INSYN2B: variants seen among roughly 807,000 people sequenced by gnomAD.
INSYN2B encodes the protein inhibitory synaptic factor family member 2B, also known as protein INSYN2B.
A neutral mutation model predicts 41.2 loss-of-function variants in INSYN2B; 16 were observed. The ratio of observed to expected loss-of-function variants is 0.39; its 90% CI spans 0.26 to 0.59. INSYN2B has a LOEUF of 0.59. INSYN2B is among the 20% of genes least tolerant of loss of function. The pLI is 0.57. For synonymous variants in INSYN2B, 245 were observed against 244.4 expected (o/e 1.00, Z -0.02); for missense variants, 608 against 646.4 (o/e 0.94, Z 0.64).
In INSYN2B at chr5:169,916,973, C is replaced by T. The variant is rs139945356; in HGVS notation, c.-918-32157G>A. ...CAAATAGCCATCGTCATTACTCTTC[C>T]AAATCCAGGACTGAATTCGTTCATT... On this transcript the variant is annotated intron_variant, in intron 1 of 3. Transcript: ENST00000377365. Among the ~76,000 whole-genome samples the T allele has an allele frequency of 2.4e-3, 369 of 152,236 alleles. 1 individual carries two copies. The highest frequency in any genetic ancestry group is 8.4e-3 in the African/African-American group (351 of 41,544).
At chr5:169,914,598 T>C (rs902739924) in intron 1 of INSYN2B, among the ~76,000 whole-genome samples, 1 of 152,210 alleles carries the variant, frequency 6.6e-6, no homozygotes, top group African/African-American at 2.4e-5. Flanking sequence ...TCTTAAAAAT[T>C]GAATTCATTG....
chr5:169,895,575 G>T (rs530486130), intron 1 of INSYN2B, among the ~76,000 whole-genome samples: 1 of 151,750 alleles, frequency 6.6e-6, no homozygotes, highest in East Asian at 1.9e-4. Flanking sequence ...AGCTCCTTCG[G>T]TGCCCCATGC....
chr5:169,943,623 C>T (rs547302557), intron 1 of INSYN2B, among the ~76,000 whole-genome samples: 47 of 152,294 alleles, frequency 3.1e-4, no homozygotes, highest in African/African-American at 1.1e-3. Flanking sequence ...ATTAATTTAT[C>T]TGCCTGGCCT....
At chr5:169,949,226 T>C (rs949921217) in intron 1 of INSYN2B, among the ~76,000 whole-genome samples, 7 of 152,230 alleles carry the variant, frequency 4.6e-5, no homozygotes, top group African/African-American at 1.7e-4. Flanking sequence ...GCACGACTAC[T>C]ATGTGCAGAA....
In INSYN2B at chr5:169,882,533, TGA is replaced by T; in HGVS notation, c.1346+18_1346+19del. On this transcript the variant is annotated intron_variant, in intron 2 of 3. Transcript: ENST00000377365. Reference sequence around the variant, plus strand: ...TGACTTCACCCAGTCATTTTTAATATGAAAAAAAAATCTCCTTACCCTTCAGT... The same window carrying T: ...TGACTTCACCCAGTCATTTTTAATATAAAAAAAATCTCCTTACCCTTCAGT... 6.6e-7 allele frequency: 1 copy of T among 1,516,736 alleles called. No individual in the cohort carries two copies. Among genetic ancestry groups the T allele is most frequent in the Non-Finnish European group, 8.9e-7 (1 of 1,126,324 alleles). The allele number at this position is 1,516,736 out of a possible 1,614,324, so 94.0% of individuals were successfully genotyped here. A position where few individuals can be genotyped will look rare whatever the true frequency, so the allele number is the denominator to read the frequency against.
At chr5:169,973,589 G>C (rs762429016) in intron 1 of INSYN2B, among the ~76,000 whole-genome samples, 1 of 152,128 alleles carries the variant, frequency 6.6e-6, no homozygotes, top group African/African-American at 2.4e-5. Context: ...AGGAGAGCTG[G>C]CATTGATCCC....
intron 1 of INSYN2B, among the ~76,000 whole-genome samples, chr5:169,907,231 T>C (rs1028294226): frequency 6.6e-6 from 1 of 152,188 alleles, no homozygotes; most frequent in Non-Finnish European, 1.5e-5. Context: ...TTGCATTTGG[T>C]TTGCGTCATT....
chr5:169,953,063 C>T (rs999165833), intron 1 of INSYN2B, among the ~76,000 whole-genome samples: 1 of 152,152 alleles, frequency 6.6e-6, no homozygotes, highest in South Asian at 2.1e-4. Context: ...GTGGCTCATA[C>T]CTGTAATCCC....
At position 169,864,394 on chromosome 5, in the gene INSYN2B, G is replaced by A. The variant is rs1238017916; in HGVS notation, c.1487C>T (p.Ala496Val). ...GGGCGATGCCTCCTCAACTGGCTCT[G>A]CTTCCTCCAGACTCTGCAAAACTTC... ...FHEVLQSLEE[A>V]EPVEEASPPP... Residue 496 changes from alanine to valine, a missense_variant, in exon 4 of 4, where the codon GCA becomes GTA. Physicochemically the swap from Ala to Val is moderately conservative, Grantham distance 64 (BLOSUM62 0). Transcript: ENST00000377365. The A allele has an allele frequency of 1.9e-6, 3 of 1,551,414 alleles. No individual in the cohort carries two copies. The highest frequency in any genetic ancestry group is 2.6e-6 in the Non-Finnish European group (3 of 1,146,836).
intron 1 of INSYN2B, among the ~76,000 whole-genome samples, chr5:169,907,618 A>G (rs908476174): frequency 3.3e-5 from 5 of 152,172 alleles, no homozygotes; most frequent in Non-Finnish European, 5.9e-5. Flanking sequence ...AAGTTCAATT[A>G]CCTCTGTTCT....
chr5:169,972,887 C>T (rs2113767878), intron 1 of INSYN2B, among the ~76,000 whole-genome samples: 1 of 152,218 alleles, frequency 6.6e-6, no homozygotes, highest in East Asian at 1.9e-4. Context: ...TGCAAAGGGG[C>T]CACCTCCAAG....
chr5:169,922,290 A>G (rs1297046894), intron 1 of INSYN2B, among the ~76,000 whole-genome samples: 1 of 152,252 alleles, frequency 6.6e-6, no homozygotes, highest in African/African-American at 2.4e-5. Context: ...GAAGGCTCAG[A>G]GAAGATGAGC....
intron 1 of INSYN2B, among the ~76,000 whole-genome samples, chr5:169,925,420 A>G (rs1775386433): frequency 6.6e-6 from 1 of 152,026 alleles, no homozygotes; most frequent in Non-Finnish European, 1.5e-5. Flanking sequence ...TCTTTACTAA[A>G]ATTACAAAAA....
At chr5:169,961,911 G>A (rs568260668) in intron 1 of INSYN2B, among the ~76,000 whole-genome samples, 18 of 141,748 alleles carry the variant, frequency 1.3e-4, no homozygotes, top group Non-Finnish European at 1.9e-4. Flanking sequence ...CCCAGGAGGC[G>A]GAGGTTGCAG....
chr5:169,906,183 GC>G lies in INSYN2B; in HGVS notation c.-918-21368del, dbSNP rs1369207577. Among the ~76,000 whole-genome samples the G allele has an allele frequency of 2.0e-5, 3 of 152,150 alleles. No homozygotes were observed. In the East Asian group the frequency reaches 5.8e-4, roughly 29 times the overall value. ...GCGATTACTACATGCCAGGCATTGT[GC>G]CCGGGGCCGTGGATAGTCAGAAAGT... is the stretch of plus-strand genomic sequence containing the variant. On this transcript the variant is annotated intron_variant, in intron 1 of 3. Transcript: ENST00000377365.
intron 1 of INSYN2B, among the ~76,000 whole-genome samples, chr5:169,963,239 T>C (rs1777163675): frequency 6.6e-6 from 1 of 152,226 alleles, no homozygotes; most frequent in South Asian, 2.1e-4. Context: ...TATCAGTTTA[T>C]GTCCATGAAC....
chr5:169,978,356 A>C (rs1777794631), intron 1 of INSYN2B, among the ~76,000 whole-genome samples: 1 of 104,500 alleles, frequency 9.6e-6, no homozygotes. Context: ...ATGGCACTGC[A>C]GGGGTCCTGG....
chr5:169,957,312 T>C (rs1776909788), intron 1 of INSYN2B, among the ~76,000 whole-genome samples: 1 of 152,210 alleles, frequency 6.6e-6, no homozygotes, highest in Non-Finnish European at 1.5e-5. Flanking sequence ...AGCATGGGGA[T>C]AGTAAGAGTT....
At position 169,938,436 on chromosome 5, in the gene INSYN2B, C is replaced by T. The variant is rs371123415; in HGVS notation, c.-919+41841G>A. Among the ~76,000 whole-genome samples, 58 of 152,284 alleles carry T rather than the reference C, an allele frequency of 3.8e-4. No individual in the cohort carries two copies. The South Asian group carries it at 8.7e-3, about 23-fold the overall frequency. ...TATAAGGTAGAGCCTATTGCTCCTA[C>T]GCTGTAAACCTGTATAGCATGTTAC... On this transcript the variant is annotated intron_variant, in intron 1 of 3. Coordinates refer to ENST00000377365, the MANE Select transcript of INSYN2B (RefSeq NM_001129891.3).
Sources: allele counts gnomAD v4.1 joint callset (sites outside exome capture counted in the v4.1 genomes callset), GRCh38; gene constraint gnomAD v4.1.1; transcripts MANE v1.5; gene names NCBI Gene and HGNC (gene_info 2026-07-23, HGNC 2026-07-21).